SUGCT: variants seen among roughly 807,000 people sequenced by gnomAD.
SUGCT encodes succinyl-CoA:glutarate-CoA transferase, also known as succinyl-CoA:glutarate CoA-transferase.
In SUGCT, 41 loss-of-function variants were observed where a neutral mutation model predicts 55.0. The observed-to-expected ratio is 0.74, with a 90% confidence interval of 0.58 to 0.97. The LOEUF (loss-of-function observed/expected upper bound fraction) is 0.97. Ranked by LOEUF, SUGCT falls within the 50% of genes least tolerant of loss-of-function variation. The probability of loss-of-function intolerance (pLI) is 0.00; values close to 1 mark genes in which losing one functional copy is unlikely to be tolerated. For synonymous variants in SUGCT, 187 were observed against 200.4 expected (o/e 0.93, Z 0.56); for missense variants, 568 against 547.8 (o/e 1.04, Z -0.37).
chr7:40,257,148 G>A (rs1790864782), intron 7 of SUGCT, among the ~76,000 whole-genome samples: 1 of 152,078 alleles, frequency 6.6e-6, no homozygotes. Context: ...GGGTTTAAGC[G>A]ATTCTCCTCC....
intron 12 of SUGCT, among the ~76,000 whole-genome samples, chr7:40,617,983 C>G (rs1799092104): frequency 6.6e-6 from 1 of 152,098 alleles, no homozygotes; most frequent in African/African-American, 2.4e-5. Context: ...AATCCTGTTG[C>G]TTAGTCATTA....
At chr7:40,675,349 A>G (rs1783917726) in intron 12 of SUGCT, among the ~76,000 whole-genome samples, 1 of 152,188 alleles carries the variant, frequency 6.6e-6, no homozygotes, top group Admixed American at 6.5e-5. Context: ...GTGAGTCACC[A>G]CGCCTGACCA....
the SUGCT span, among the ~76,000 whole-genome samples, chr7:40,949,874 C>T: frequency 2.6e-5 from 4 of 152,110 alleles, no homozygotes; most frequent in Non-Finnish European, 5.9e-5. Context: ...GGTATAGTAT[C>T]GAAGTCAGGT....
chr7:40,830,748 G>A (rs975298922), intron 13 of SUGCT, among the ~76,000 whole-genome samples: 6 of 152,200 alleles, frequency 3.9e-5, no homozygotes, highest in African/African-American at 1.4e-4. Context: ...TCACACATAT[G>A]TTGATTCATT....
chr7:40,469,614 C>T (rs1255373650), intron 11 of SUGCT, among the ~76,000 whole-genome samples: 2 of 152,184 alleles, frequency 1.3e-5, no homozygotes, highest in East Asian at 3.8e-4. Context: ...GCAATCTCCT[C>T]GTGACCAGGG....
chr7:40,898,675 G>A, the SUGCT span, among the ~76,000 whole-genome samples: 3 of 151,866 alleles, frequency 2.0e-5, no homozygotes, highest in Non-Finnish European at 2.9e-5. Context: ...AGTGAGCAGA[G>A]ATCGCGCCGC....
intron 9 of SUGCT, among the ~76,000 whole-genome samples, chr7:40,337,429 C>A (rs923339973): frequency 6.6e-6 from 1 of 152,126 alleles, no homozygotes; most frequent in African/African-American, 2.4e-5. Context: ...AATCTGGGTT[C>A]TCCTGTATTG....
chr7:40,221,483 C>T (rs1788020492), intron 6 of SUGCT, among the ~76,000 whole-genome samples: 2 of 147,680 alleles, frequency 1.4e-5, no homozygotes, highest in Non-Finnish European at 1.5e-5. Context: ...ATTTAGAAAG[C>T]TGTTATTGGT....
chr7:40,517,533 T>G (rs1460266924), intron 12 of SUGCT, among the ~76,000 whole-genome samples: 1 of 152,084 alleles, frequency 6.6e-6, no homozygotes, highest in Non-Finnish European at 1.5e-5. Context: ...GTATTTTGAG[T>G]TGTTGAGTGT....
chr7:40,273,498 CTGATA>C (rs1391471599), intron 7 of SUGCT, among the ~76,000 whole-genome samples: 1 of 152,136 alleles, frequency 6.6e-6, no homozygotes, highest in Non-Finnish European at 1.5e-5. Context: ...TAGAAACTAT[CTGATA>C]TATCAATGAC....
chr7:40,242,352 T>G (rs1226945396), intron 7 of SUGCT, among the ~76,000 whole-genome samples: 1 of 152,014 alleles, frequency 6.6e-6, no homozygotes, highest in Non-Finnish European at 1.5e-5. Flanking sequence ...TTTTTTTGTA[T>G]TTTTAGTAGA....
At chr7:40,594,956 G>T (rs967450097) in intron 12 of SUGCT, among the ~76,000 whole-genome samples, 7 of 152,074 alleles carry the variant, frequency 4.6e-5, no homozygotes, top group Non-Finnish European at 7.4e-5. Flanking sequence ...AAGTTTATGG[G>T]CAAAGTCTCC....
At chr7:40,162,117 C>T (rs1039410803) in intron 1 of SUGCT, among the ~76,000 whole-genome samples, 5 of 152,012 alleles carry the variant, frequency 3.3e-5, no homozygotes, top group East Asian at 1.9e-4. Context: ...AGGATGGTCT[C>T]GATCTCCTGA....
At chr7:40,784,659 C>G (rs566458855) in intron 13 of SUGCT, among the ~76,000 whole-genome samples, 2 of 152,166 alleles carry the variant, frequency 1.3e-5, no homozygotes, top group South Asian at 4.2e-4. Flanking sequence ...CTAAAATTAC[C>G]CTAACATGCC....
chr7:41,032,751 C>T, the SUGCT span, among the ~76,000 whole-genome samples: 1 of 152,066 alleles, frequency 6.6e-6, no homozygotes, highest in Non-Finnish European at 1.5e-5. Flanking sequence ...AAACAAAAAA[C>T]CCCAGTTTTT....
chr7:40,153,165 A>G (rs1046600248), intron 1 of SUGCT: 38 of 277,388 alleles, frequency 1.4e-4, no homozygotes, highest in African/African-American at 8.6e-4. Flanking sequence ...TTTTAGATTC[A>G]CACATCTTAG....
At chr7:40,670,164 C>A (rs1584246539) in intron 12 of SUGCT, among the ~76,000 whole-genome samples, 7 of 93,094 alleles carry the variant, frequency 7.5e-5, no homozygotes, top group South Asian at 4.1e-4. Flanking sequence ...CAGGAGACTC[C>A]ATCTCAAAAA....
chr7:40,525,570 AG>A (rs1407698156), intron 12 of SUGCT, among the ~76,000 whole-genome samples: 2 of 152,118 alleles, frequency 1.3e-5, no homozygotes, highest in Non-Finnish European at 2.9e-5. Flanking sequence ...TGGAATGGAA[AG>A]AAAGTGACAT....
intron 12 of SUGCT, chr7:40,539,672 T>G (rs1794566549): frequency 6.6e-6 from 1 of 152,216 alleles, no homozygotes; most frequent in African/African-American, 2.4e-5. Context: ...TTAGGGAGAA[T>G]CTTCTGATTC....
Sources: allele counts gnomAD v4.1 joint callset (sites outside exome capture counted in the v4.1 genomes callset), GRCh38; gene constraint gnomAD v4.1.1; transcripts MANE v1.5; gene names NCBI Gene and HGNC (gene_info 2026-07-23, HGNC 2026-07-21).